The following FHIT variants were observed in gnomAD, a reference collection of about 807,000 sequenced individuals.
FHIT encodes fragile histidine triad diadenosine triphosphatase.
In FHIT, 19 loss-of-function variants were observed where a neutral mutation model predicts 17.9. That is an observed-to-expected ratio of 1.06 (90% CI 0.74 to 1.56). The LOEUF (loss-of-function observed/expected upper bound fraction) is 1.56. FHIT is among the 40% of genes most tolerant of loss of function. The pLI is 0.00. For synonymous variants in FHIT, 81 were observed against 69.7 expected, an observed-to-expected ratio of 1.16 and a Z score of -0.81; for missense variants, 248 against 189.2, an observed-to-expected ratio of 1.31 and a Z score of -1.82.
Position 60,628,623 on chromosome 3 carries a change from T to TA in FHIT, c.-17-91645dup, listed in dbSNP as rs377259198. Among the ~76,000 whole-genome samples the TA allele has an allele frequency of 4.3e-3, 652 of 152,346 alleles. 4 individuals carry two copies. The highest frequency in any genetic ancestry group is 0.014 in the Middle Eastern group (4 of 294). ...TTTCGTTACTCCAGGAGGGCTCTCT[T>TA]ACCTTTACCTTTCTTTGATTCTCTC... On this transcript the variant is annotated intron_variant, in intron 4 of 9. Coordinates refer to ENST00000492590, the MANE Select transcript of FHIT (RefSeq NM_002012.4).
intron 5 of FHIT, among the ~76,000 whole-genome samples, chr3:60,078,828 G>A (rs1703148369): frequency 1.3e-5 from 2 of 151,644 alleles, no homozygotes; most frequent in Non-Finnish European, 2.9e-5. Context: ...AAAATATAAT[G>A]GAAGTAAGTA....
At chr3:60,111,934 C>CT (rs1357996556) in intron 5 of FHIT, among the ~76,000 whole-genome samples, 1 of 152,150 alleles carries the variant, frequency 6.6e-6, no homozygotes, top group Non-Finnish European at 1.5e-5. Flanking sequence ...CAGATTAGCC[C>CT]TTTTTTGCCT....
At chr3:60,526,761 A>G (rs1448962742) in intron 5 of FHIT, among the ~76,000 whole-genome samples, 1 of 152,154 alleles carries the variant, frequency 6.6e-6, no homozygotes. Context: ...GCACTCCCAG[A>G]TCATGACAGT....
chr3:60,262,214 T>G (rs1463545565), intron 5 of FHIT, among the ~76,000 whole-genome samples: 1 of 152,070 alleles, frequency 6.6e-6, no homozygotes, highest in Non-Finnish European at 1.5e-5. Context: ...CCAAAGAATG[T>G]CAAAGTATAA....
chr3:60,707,355 C>T (rs2041400093), intron 4 of FHIT, among the ~76,000 whole-genome samples: 1 of 152,146 alleles, frequency 6.6e-6, no homozygotes, highest in Non-Finnish European at 1.5e-5. Context: ...TCTCTCTCTG[C>T]CTCTAAGTCT....
In FHIT at chr3:60,983,135, T is replaced by TTGTGTGTG. The variant is rs60471009; in HGVS notation, c.-111+58904_-111+58911dup. Among the ~76,000 whole-genome samples, 286 of 148,940 alleles carry TTGTGTGTG rather than the reference T, an allele frequency of 1.9e-3. 2 individuals carry two copies. Among genetic ancestry groups the TTGTGTGTG allele is most frequent in the African/African-American group, 6.9e-3 (280 of 40,426 alleles). On this transcript the variant is annotated intron_variant, in intron 3 of 9. Transcript: ENST00000492590. ...ATCTCAATCCGATTTACCTTCTCTC[T>TTGTGTGTG]TGTGTGTGTGTGTGTGTGTGTGTGT...
At chr3:60,872,926 T>A (rs1553755336) in intron 3 of FHIT, among the ~76,000 whole-genome samples, 2 of 152,132 alleles carry the variant, frequency 1.3e-5, no homozygotes, top group Non-Finnish European at 2.9e-5. Context: ...ATGCTTAAAT[T>A]GTTCCCCGTT....
At chr3:61,053,291 C>T (rs1167772717) in intron 2 of FHIT, among the ~76,000 whole-genome samples, 1 of 152,034 alleles carries the variant, frequency 6.6e-6, no homozygotes, top group Non-Finnish European at 1.5e-5. Context: ...AATACATTCA[C>T]ATACATAAAA....
At chr3:60,165,629 G>A (rs1215682323) in intron 5 of FHIT, among the ~76,000 whole-genome samples, 1 of 152,106 alleles carries the variant, frequency 6.6e-6, no homozygotes, top group African/African-American at 2.4e-5. Context: ...TGTCAAATGA[G>A]ATTATAAAGA....
chr3:59,769,163 G>A (rs968589867), intron 8 of FHIT, among the ~76,000 whole-genome samples: 4 of 152,170 alleles, frequency 2.6e-5, no homozygotes, highest in Admixed American at 1.3e-4. Flanking sequence ...TCATAATTTC[G>A]GAGGATAGAA....
intron 3 of FHIT, among the ~76,000 whole-genome samples, chr3:60,864,632 G>A (rs546287656): frequency 6.6e-6 from 1 of 152,090 alleles, no homozygotes; most frequent in Admixed American, 6.6e-5. Context: ...TGGAGCCTAA[G>A]TTGTCCTGAC....
chr3:59,809,266 T>C (rs1700321818), intron 8 of FHIT, among the ~76,000 whole-genome samples: 1 of 152,130 alleles, frequency 6.6e-6, no homozygotes, highest in Non-Finnish European at 1.5e-5. Flanking sequence ...CTGGTGTCCT[T>C]ATAAGGACAT....
At chr3:60,441,941 C>A (rs1189104256) in intron 5 of FHIT, among the ~76,000 whole-genome samples, 2 of 149,448 alleles carry the variant, frequency 1.3e-5, no homozygotes, top group African/African-American at 4.9e-5. Context: ...TCACTGCAGC[C>A]TCAAACTCCT....
intron 2 of FHIT, among the ~76,000 whole-genome samples, chr3:61,071,653 T>A (rs993413044): frequency 1.3e-5 from 2 of 152,170 alleles, no homozygotes; most frequent in Non-Finnish European, 2.9e-5. Flanking sequence ...TATAAAACAG[T>A]CTATGCAGCC....
At chr3:60,768,838 T>C (rs958617555) in intron 4 of FHIT, among the ~76,000 whole-genome samples, 2 of 152,218 alleles carry the variant, frequency 1.3e-5, no homozygotes, top group Admixed American at 1.3e-4. Context: ...GCCTGATTAA[T>C]ATACCAATCC....
At position 60,761,085 on chromosome 3, in the gene FHIT, AG is replaced by A. The variant is rs371651131; in HGVS notation, c.-18+60833del. The stretch of plus-strand genomic sequence containing the variant: ...CCTAGATATAACCAGAAGAAGGGGG[AG>A]GGGGGAAAGACTAATGACCTTTGAC... On this transcript the variant is annotated intron_variant, in intron 4 of 9. Transcript: ENST00000492590. Among the ~76,000 whole-genome samples the A allele has an allele frequency of 3.4e-3, 518 of 152,158 alleles. 8 individuals carry two copies. Among genetic ancestry groups the A allele is most frequent in the South Asian group, 0.019 (93 of 4,814 alleles).
chr3:61,207,694 T>C (rs542501603), intron 1 of FHIT, among the ~76,000 whole-genome samples: 141 of 152,326 alleles, frequency 9.3e-4, no homozygotes, highest in Non-Finnish European at 1.3e-3. Context: ...TTGTGTCTAT[T>C]TGATTCTTCT....
At chr3:61,219,433 A>G (rs118077713) in intron 1 of FHIT, among the ~76,000 whole-genome samples, 3 of 151,992 alleles carry the variant, frequency 2.0e-5, no homozygotes, top group Admixed American at 2.0e-4. Flanking sequence ...CAGAGTATAG[A>G]TATCTAGACA....
chr3:60,923,403 G>C (rs1435422860), intron 3 of FHIT, among the ~76,000 whole-genome samples: 1 of 152,148 alleles, frequency 6.6e-6, no homozygotes, highest in Non-Finnish European at 1.5e-5. Flanking sequence ...TTCATTCACA[G>C]GGCTACTGTG....
Sources: gnomAD v4.1 joint callset for allele counts (sites outside exome capture counted in the v4.1 genomes callset) on GRCh38, gnomAD v4.1.1 for gene constraint, MANE v1.5 for transcripts, NCBI Gene and HGNC (gene_info 2026-07-23, HGNC 2026-07-21) for gene names.